Variants in CLDN10 observed in about 807,000 individuals in gnomAD.
CLDN10 encodes claudin 10, also known as claudin-10.
Under a neutral mutation model 22.9 loss-of-function variants are expected in CLDN10, and 15 were observed. The observed-to-expected ratio is 0.65, with a 90% CI of 0.44 to 1.01. The LOEUF is 1.01. CLDN10 is among the 50% of genes least tolerant of loss of function. The pLI, the probability that CLDN10 is intolerant of heterozygous loss-of-function variation, is 0.00. For missense variants in CLDN10, 247 were observed against 287.8 expected, an observed-to-expected ratio of 0.86 and a Z score of 1.03; for synonymous variants, 114 against 111.4, an observed-to-expected ratio of 1.02 and a Z score of -0.15.
intron 1 of CLDN10, among the ~76,000 whole-genome samples, chr13:95,529,872 A>T (rs1173585451): frequency 1.3e-5 from 2 of 152,174 alleles, no homozygotes; most frequent in Non-Finnish European, 2.9e-5. Context: ...AGATGTGAAC[A>T]GTTGGTACTG....
intron 1 of CLDN10, among the ~76,000 whole-genome samples, chr13:95,522,901 T>C (rs538569903): frequency 6.6e-6 from 1 of 152,118 alleles, no homozygotes; most frequent in Non-Finnish European, 1.5e-5. Context: ...ACATTATATA[T>C]CTTTTTCATT....
At chr13:95,561,801 T>G (rs1408664769) in intron 3 of CLDN10, among the ~76,000 whole-genome samples, 1 of 151,492 alleles carries the variant, frequency 6.6e-6, no homozygotes, top group East Asian at 1.9e-4. Context: ...GGCCTCTTTC[T>G]GTCACTCAGG....
intron 1 of CLDN10, among the ~76,000 whole-genome samples, chr13:95,437,251 G>T (rs1299957733): frequency 6.6e-6 from 1 of 152,176 alleles, no homozygotes; most frequent in Non-Finnish European, 1.5e-5. Context: ...AAAAAATACA[G>T]AGGCCACCTT....
At chr13:95,502,467 G>A (rs1275252992) in intron 1 of CLDN10, among the ~76,000 whole-genome samples, 1 of 152,114 alleles carries the variant, frequency 6.6e-6, no homozygotes, top group African/African-American at 2.4e-5. Context: ...GGACGTTTAT[G>A]GTGAGGAACA....
chr13:95,454,084 A>G (rs1057198307), intron 1 of CLDN10, among the ~76,000 whole-genome samples: 4 of 152,078 alleles, frequency 2.6e-5, no homozygotes, highest in Non-Finnish European at 5.9e-5. Context: ...CAGGTTGACC[A>G]AGTCAGGATA....
At chr13:95,470,603 T>C (rs1347942612) in intron 1 of CLDN10, among the ~76,000 whole-genome samples, 1 of 152,190 alleles carries the variant, frequency 6.6e-6, no homozygotes, top group African/African-American at 2.4e-5. Context: ...TAAGGCATAG[T>C]GAGCCCTTAG....
intron 1 of CLDN10, among the ~76,000 whole-genome samples, chr13:95,541,402 G>A (rs2043459031): frequency 6.6e-6 from 1 of 152,200 alleles, no homozygotes; most frequent in South Asian, 2.1e-4. Flanking sequence ...CTCTGGAGTA[G>A]TGAGAAAGAG....
At chr13:95,490,232 T>A (rs1255350216) in intron 1 of CLDN10, among the ~76,000 whole-genome samples, 1 of 152,220 alleles carries the variant, frequency 6.6e-6, no homozygotes, top group South Asian at 2.1e-4. Context: ...AATTTTAGAA[T>A]TGTTTTTTCC....
chr13:95,454,513 A>C (rs913520312), intron 1 of CLDN10, among the ~76,000 whole-genome samples: 1 of 152,048 alleles, frequency 6.6e-6, no homozygotes, highest in African/African-American at 2.4e-5. Context: ...AGACAGAACC[A>C]CTGGTGCAGG....
At chr13:95,557,191 C>T (rs966821394) in intron 1 of CLDN10, among the ~76,000 whole-genome samples, 1 of 152,166 alleles carries the variant, frequency 6.6e-6, no homozygotes, top group Non-Finnish European at 1.5e-5. Context: ...ATGTTCATGC[C>T]TCAGCACCTT....
At chr13:95,438,972 T>C (rs1162204850) in intron 1 of CLDN10, among the ~76,000 whole-genome samples, 2 of 73,054 alleles carry the variant, frequency 2.7e-5, no homozygotes, top group African/African-American at 1.3e-4. Context: ...CAAGACTCCA[T>C]CGCAAAAAAA....
intron 1 of CLDN10, among the ~76,000 whole-genome samples, chr13:95,493,683 C>T (rs1319281581): frequency 1.3e-5 from 2 of 152,010 alleles, no homozygotes; most frequent in Non-Finnish European, 2.9e-5. Flanking sequence ...TCTCAGTCTC[C>T]CGAGTAGCTG....
chr13:95,553,069 AG>A, intron 1 of CLDN10, 96 bp downstream of exon 1: 1 of 1,496,614 alleles, frequency 6.7e-7, no homozygotes, highest in Non-Finnish European at 8.9e-7. Context: ...CGGGACCCCT[AG>A]ACTGGACTCC....
chr13:95,518,063 T>A (rs2043188892), intron 1 of CLDN10, among the ~76,000 whole-genome samples: 1 of 152,216 alleles, frequency 6.6e-6, no homozygotes, highest in Non-Finnish European at 1.5e-5. Context: ...TTCTTCCATT[T>A]TATAGTGATT....
intron 1 of CLDN10, among the ~76,000 whole-genome samples, chr13:95,453,982 C>T (rs138853651): frequency 6.6e-6 from 1 of 152,182 alleles, no homozygotes; most frequent in Non-Finnish European, 1.5e-5. Flanking sequence ...CTGAATCTAC[C>T]TTCTCTCTTT....
rs1227188352 is a variant in CLDN10 at position 95,579,436 on chromosome 13, A to G, written c.*1422A>G. Reference sequence around the variant, plus strand: ...CTCACAGCCATCCTAGGAGATACATATTGTTTTCATCCTGCATTTACAGAA... The same window carrying G: ...CTCACAGCCATCCTAGGAGATACATGTTGTTTTCATCCTGCATTTACAGAA... On this transcript the variant is annotated 3_prime_UTR_variant, in exon 5 of 5. Transcript: ENST00000299339. 6.6e-6 allele frequency: 1 copy of G among 152,226 alleles called. No individual in the cohort carries two copies. Among genetic ancestry groups the G allele is most frequent in the Admixed American group, 6.5e-5 (1 of 15,272 alleles). The allele number at this position is 152,226 out of a possible 1,614,324, so 9.4% of individuals were successfully genotyped here.
intron 1 of CLDN10, among the ~76,000 whole-genome samples, chr13:95,541,415 T>A (rs774003629): frequency 6.6e-6 from 1 of 152,170 alleles, no homozygotes; most frequent in Non-Finnish European, 1.5e-5. Context: ...AGAAAGAGAT[T>A]TCTCCCTGGT....
Position 95,473,451 on chromosome 13 carries a change from G to A in CLDN10, c.214+39404G>A, listed in dbSNP as rs917734412. On this transcript the variant is annotated intron_variant, in intron 1 of 4. Transcript: ENST00000376873. ...GAAGAGATGCGCCTCGGGTGCCTCA[G>A]GCAGCCTGCATGCCAAGTGATGAGG... 2.0e-5 allele frequency among the ~76,000 whole-genome samples: 3 copies of A among 152,368 alleles called. No individual in the cohort carries two copies. The East Asian group carries it at 5.8e-4, about 29-fold the overall frequency.
At position 95,495,616 on chromosome 13, in the gene CLDN10, C is replaced by T. The variant is rs188481861; in HGVS notation, c.214+61569C>T. On this transcript the variant is annotated intron_variant, in intron 1 of 4. Transcript: ENST00000376873. ...AAATTTAGCCGGGCATAGTGGCGCG[C>T]GCCTGTAATCCCAGCTACTTGGGAG... Among the ~76,000 whole-genome samples, 131 of 151,218 alleles carry T rather than the reference C, an allele frequency of 8.7e-4. 1 individual carries two copies. Among genetic ancestry groups the T allele is most frequent in the East Asian group, 1.2e-3 (6 of 5,074 alleles).
Sources: allele counts gnomAD v4.1 joint callset (sites outside exome capture counted in the v4.1 genomes callset), GRCh38; gene constraint gnomAD v4.1.1; transcripts MANE v1.5; gene names NCBI Gene and HGNC (gene_info 2026-07-23, HGNC 2026-07-21).